Variants in NTM observed in about 807,000 individuals in gnomAD.
NTM encodes neurotrimin.
A neutral mutation model predicts 42.1 loss-of-function variants in NTM; 13 were observed. The ratio of observed to expected loss-of-function variants is 0.31; its 90% confidence interval spans 0.20 to 0.49. The LOEUF (loss-of-function observed/expected upper bound fraction) is 0.49, where lower values mean the gene tolerates loss of function less well. Ranked by LOEUF, NTM falls within the 20% of genes least tolerant of loss-of-function variation. The probability of loss-of-function intolerance (pLI) is 0.99; values close to 1 mark genes in which losing one functional copy is unlikely to be tolerated. For missense variants in NTM, 373 were observed against 452.8 expected, an observed-to-expected ratio of 0.82 and a Z score of 1.60; for synonymous variants, 187 against 179.2, an observed-to-expected ratio of 1.04 and a Z score of -0.35.
chr11:132,283,955 G>A (rs913727592), intron 4 of NTM, among the ~76,000 whole-genome samples: 1 of 152,060 alleles, frequency 6.6e-6, no homozygotes, highest in Non-Finnish European at 1.5e-5. Context: ...CCTTTTCCTG[G>A]CCTCCTCTCC....
chr11:132,037,126 GTT>G (rs2076602196), intron 2 of NTM, among the ~76,000 whole-genome samples: 1 of 152,124 alleles, frequency 6.6e-6, no homozygotes, highest in Non-Finnish European at 1.5e-5. Flanking sequence ...AATAGAAGGT[GTT>G]TGGACCACCG....
intron 1 of NTM, among the ~76,000 whole-genome samples, chr11:131,669,230 C>T (rs2069661180): frequency 6.6e-6 from 1 of 152,092 alleles, no homozygotes; most frequent in Admixed American, 6.5e-5. Flanking sequence ...TTTGCAGGAA[C>T]TCTGGCATGT....
chr11:132,139,096 T>A (rs550699123), intron 2 of NTM, among the ~76,000 whole-genome samples: 5 of 152,160 alleles, frequency 3.3e-5, no homozygotes, highest in African/African-American at 9.7e-5. Flanking sequence ...TTGGTCTCCA[T>A]GACAGGATTC....
intron 1 of NTM, among the ~76,000 whole-genome samples, chr11:131,644,201 G>A (rs534804253): frequency 2.6e-5 from 4 of 152,262 alleles, no homozygotes; most frequent in Non-Finnish European, 5.9e-5. Flanking sequence ...CTGTCATTAG[G>A]GGAGGAGCAA....
intron 2 of NTM, among the ~76,000 whole-genome samples, chr11:132,068,248 A>T (rs941597969): frequency 6.6e-6 from 1 of 152,160 alleles, no homozygotes; most frequent in Non-Finnish European, 1.5e-5. Context: ...TTTGCGTAAC[A>T]CTTCTTTCCT....
At chr11:131,739,369 C>T (rs2080889150) in intron 1 of NTM, among the ~76,000 whole-genome samples, 1 of 152,132 alleles carries the variant, frequency 6.6e-6, no homozygotes, top group South Asian at 2.1e-4. Flanking sequence ...ACTCTTGGAA[C>T]TTTATTTTCC....
At chr11:132,178,354 A>G (rs2137991088) in intron 3 of NTM, among the ~76,000 whole-genome samples, 1 of 152,364 alleles carries the variant, frequency 6.6e-6, no homozygotes, top group African/African-American at 2.4e-5. Context: ...ACAAAATGCC[A>G]TATAAGTAAA....
intron 1 of NTM, among the ~76,000 whole-genome samples, chr11:131,620,484 A>G (rs2062414855): frequency 6.6e-6 from 1 of 152,072 alleles, no homozygotes; most frequent in African/African-American, 2.4e-5. Context: ...TGGCTCACAA[A>G]TCATCCCACA....
chr11:132,233,227 C>T (rs1192294218), intron 4 of NTM, among the ~76,000 whole-genome samples: 1 of 152,006 alleles, frequency 6.6e-6, no homozygotes, highest in African/African-American at 2.4e-5. Context: ...GACCACCTGG[C>T]CAACATGGTG....
At chr11:132,067,218 G>A (rs189298065) in intron 2 of NTM, among the ~76,000 whole-genome samples, 1 of 152,198 alleles carries the variant, frequency 6.6e-6, no homozygotes. Flanking sequence ...CAAAGTGCTG[G>A]GATGACCAGG....
chr11:131,410,484 C>A (rs1203478858), intron 1 of NTM, among the ~76,000 whole-genome samples: 1 of 141,474 alleles, frequency 7.1e-6, no homozygotes, highest in East Asian at 2.0e-4. Context: ...CAGAGTGAGA[C>A]CCTGTCTCAG....
intron 1 of NTM, among the ~76,000 whole-genome samples, chr11:131,588,506 A>C (rs753462492): frequency 6.6e-6 from 1 of 152,242 alleles, no homozygotes; most frequent in Admixed American, 6.5e-5. Context: ...GGGGATATTT[A>C]CCTTTTGCTA....
chr11:132,018,242 T>C (rs527426984), intron 2 of NTM, among the ~76,000 whole-genome samples: 11 of 151,944 alleles, frequency 7.2e-5, no homozygotes, highest in African/African-American at 2.2e-4. Context: ...CCATATTGCA[T>C]GGGTAGAACC....
At chr11:131,452,327 C>T (rs1384053022) in intron 1 of NTM, among the ~76,000 whole-genome samples, 1 of 152,226 alleles carries the variant, frequency 6.6e-6, no homozygotes, top group Non-Finnish European at 1.5e-5. Flanking sequence ...CTTTGCTCAC[C>T]CACAGTCCAT....
In NTM at chr11:132,002,274, A is replaced by G. The variant is rs905241096; in HGVS notation, c.167+90626A>G. Among the ~76,000 whole-genome samples, 1 of 152,230 alleles carries G rather than the reference A, an allele frequency of 6.6e-6. No homozygotes were observed. Among genetic ancestry groups the G allele is most frequent in the African/African-American group, 2.4e-5 (1 of 41,458 alleles). On this transcript the variant is annotated intron_variant, in intron 2 of 8. Transcript: ENST00000683400. The surrounding 1 kb of genome is among the most constrained non-coding windows in gnomAD (Gnocchi z 4.5). The stretch of plus-strand genomic sequence containing the variant: ...CTTGTGAGCTATTTGTGGCAGCTTT[A>G]CTGTACAAAAGCGATGAAATTTAAT...
intron 2 of NTM, among the ~76,000 whole-genome samples, chr11:131,935,266 A>G (rs1423134884): frequency 6.6e-6 from 1 of 152,156 alleles, no homozygotes; most frequent in African/African-American, 2.4e-5. Flanking sequence ...CTTGAGAAGT[A>G]CTCAGAGATT....
At chr11:131,985,438 T>A (rs544032038) in intron 2 of NTM, among the ~76,000 whole-genome samples, 1 of 152,290 alleles carries the variant, frequency 6.6e-6, no homozygotes, top group Admixed American at 6.5e-5. Context: ...CAAATAAACC[T>A]GCAAGTCTCT....
At chr11:131,889,546 AT>A in intron 1 of NTM, among the ~76,000 whole-genome samples, 1 of 152,308 alleles carries the variant, frequency 6.6e-6, no homozygotes, top group South Asian at 2.1e-4. Context: ...AAAAAAATAC[AT>A]TAGAAGGTCC....
At chr11:132,118,633 C>A (rs572611708) in intron 2 of NTM, among the ~76,000 whole-genome samples, 3 of 152,070 alleles carry the variant, frequency 2.0e-5, no homozygotes, top group Non-Finnish European at 4.4e-5. Context: ...TCAAGAGCCA[C>A]GGAAAGGGTA....
Sources: allele counts gnomAD v4.1 joint callset (sites outside exome capture counted in the v4.1 genomes callset), GRCh38; gene constraint gnomAD v4.1.1; non-coding constraint Gnocchi (gnomAD v3.1); transcripts MANE v1.5; gene names NCBI Gene and HGNC (gene_info 2026-07-23, HGNC 2026-07-21).